ENPP6: variants seen among roughly 807,000 people sequenced by gnomAD.
ENPP6 encodes glycerophosphocholine cholinephosphodiesterase ENPP6.
In ENPP6, 32 loss-of-function variants were observed where a neutral mutation model predicts 42.0. The ratio of observed to expected loss-of-function variants is 0.76; its 90% CI spans 0.58 to 1.02. The LOEUF (loss-of-function observed/expected upper bound fraction) is 1.02. Among genes scored for constraint, ENPP6 ranks in the 50% least tolerant of loss-of-function variants. The probability of loss-of-function intolerance (pLI) is 0.00; values close to 1 mark genes in which losing one functional copy is unlikely to be tolerated. For synonymous variants in ENPP6, 213 were observed against 216.0 expected (o/e 0.99, Z 0.12); for missense variants, 552 against 566.8 (o/e 0.97, Z 0.27).
chr4:184,176,617 C>G (rs140669156), intron 1 of ENPP6, among the ~76,000 whole-genome samples: 5 of 152,064 alleles, frequency 3.3e-5, no homozygotes, highest in Non-Finnish European at 5.9e-5. Context: ...ACCAACTGAA[C>G]GGGGCCACCG....
chr4:184,144,169 C>T (rs1035622093), intron 2 of ENPP6, among the ~76,000 whole-genome samples: 3 of 152,190 alleles, frequency 2.0e-5, no homozygotes, highest in African/African-American at 7.2e-5. Context: ...TGCAGACTGC[C>T]CCACTCACCA....
At chr4:184,110,200 G>T (rs1485105250) in intron 6 of ENPP6, among the ~76,000 whole-genome samples, 1 of 152,098 alleles carries the variant, frequency 6.6e-6, no homozygotes, top group Non-Finnish European at 1.5e-5. Flanking sequence ...TTGTTTCGGG[G>T]CCCCAGTCTA....
At chr4:184,135,776 C>T (rs1378103479) in intron 2 of ENPP6, among the ~76,000 whole-genome samples, 1 of 152,134 alleles carries the variant, frequency 6.6e-6, no homozygotes, top group Non-Finnish European at 1.5e-5. Flanking sequence ...CAGAACATGG[C>T]CATCACGTGT....
chr4:184,198,326 G>A (rs1316920287), intron 1 of ENPP6, among the ~76,000 whole-genome samples: 3 of 152,252 alleles, frequency 2.0e-5, no homozygotes, highest in Admixed American at 1.3e-4. Flanking sequence ...ACACTCCACT[G>A]CCCCTGAGGG....
At chr4:184,194,865 T>A (rs1307780277) in intron 1 of ENPP6, among the ~76,000 whole-genome samples, 1 of 152,146 alleles carries the variant, frequency 6.6e-6, no homozygotes, top group African/African-American at 2.4e-5. Flanking sequence ...GGAACGAGTA[T>A]GGAGCAATGA....
intron 1 of ENPP6, among the ~76,000 whole-genome samples, chr4:184,163,646 T>C (rs914329540): frequency 3.3e-5 from 5 of 152,264 alleles, no homozygotes; most frequent in Non-Finnish European, 7.3e-5. Context: ...CTACAGCTGA[T>C]GAGGAATTCC....
rs1233244772 is a variant in ENPP6 at position 184,097,338 on chromosome 4, T to C, written c.1024A>G (p.Ser342Gly). ...TGCCAACCTTCCCGCCTGCCGGTGC[T>C]GTTCATCCAAAACGGAAGCATCTCT... is the stretch of plus-strand genomic sequence containing the variant. ...NREMLPFWMN[S>G]TGRREGWQRG... Residue 342 changes from serine (S) to glycine (G), a missense_variant, in exon 7 of 8, where the codon AGC (serine) becomes GGC (glycine). Ser to Gly is a moderately conservative substitution (Grantham distance 56). Coordinates refer to ENST00000296741, the MANE Select transcript of ENPP6 (RefSeq NM_153343.4). 6.2e-7 allele frequency: 1 copy of C among 1,614,204 alleles called. No individual in the cohort carries two copies. Among genetic ancestry groups the C allele is most frequent in the South Asian group, 1.1e-5 (1 of 91,086 alleles).
intron 1 of ENPP6, among the ~76,000 whole-genome samples, chr4:184,176,592 G>A (rs536968515): frequency 6.6e-6 from 1 of 152,272 alleles, no homozygotes; most frequent in East Asian, 1.9e-4. Context: ...CATTGCTAAG[G>A]ATCGAGTCCT....
chr4:184,143,583 C>T (rs1224134078), intron 2 of ENPP6, among the ~76,000 whole-genome samples: 3 of 152,204 alleles, frequency 2.0e-5, no homozygotes, highest in Non-Finnish European at 2.9e-5. Context: ...TGGCCTCTCC[C>T]GCTGTGCGTC....
intron 1 of ENPP6, among the ~76,000 whole-genome samples, chr4:184,159,907 G>T (rs762547128): frequency 6.6e-6 from 1 of 152,136 alleles, no homozygotes; most frequent in Non-Finnish European, 1.5e-5. Context: ...GCGATATTTG[G>T]TTTTCCATTC....
intron 2 of ENPP6, among the ~76,000 whole-genome samples, chr4:184,135,208 A>G (rs1317676523): frequency 6.6e-6 from 1 of 152,160 alleles, no homozygotes; most frequent in Non-Finnish European, 1.5e-5. Flanking sequence ...CAATCAGGTA[A>G]AAATGTTAAT....
chr4:184,180,591 C>T (rs1732535632), intron 1 of ENPP6, among the ~76,000 whole-genome samples: 1 of 152,164 alleles, frequency 6.6e-6, no homozygotes, highest in Non-Finnish European at 1.5e-5. Context: ...CCCTCATGAA[C>T]ATAGATGCAA....
chr4:184,091,031 G>T lies in ENPP6; in HGVS notation c.*146C>A. On this transcript the variant is annotated 3_prime_UTR_variant, in exon 8 of 8. Coordinates refer to ENST00000296741, the MANE Select transcript of ENPP6 (RefSeq NM_153343.4). ...TAACAAGTAGGAACTTTTATGTATA[G>T]AATTATCCAAGAATAATGTATTTAC... 1.4e-6 allele frequency: 1 copy of T among 735,194 alleles called. No homozygotes were observed. The highest frequency in any genetic ancestry group is 2.0e-6 in the Non-Finnish European group (1 of 505,666). 45.5% of individuals were successfully genotyped at this position (735,194 alleles called of 1,614,324 possible).
chr4:184,142,451 G>T (rs1407853133), intron 2 of ENPP6, among the ~76,000 whole-genome samples: 1 of 152,240 alleles, frequency 6.6e-6, no homozygotes. Context: ...TTGGGGGAAA[G>T]CATGGCCTTT....
chr4:184,208,813 G>T (rs1579668249), intron 1 of ENPP6, among the ~76,000 whole-genome samples: 2 of 142,978 alleles, frequency 1.4e-5, no homozygotes, highest in African/African-American at 5.1e-5. Context: ...AAAGACAGCA[G>T]TAACCTCTGC....
chr4:184,145,001 G>A (rs1736895130), intron 2 of ENPP6, among the ~76,000 whole-genome samples: 1 of 152,246 alleles, frequency 6.6e-6, no homozygotes, highest in Admixed American at 6.5e-5. Context: ...GGAAGGAAGG[G>A]CAGGCCCAGG....
intron 6 of ENPP6, among the ~76,000 whole-genome samples, chr4:184,111,767 A>G (rs1447566072): frequency 6.6e-6 from 1 of 152,144 alleles, no homozygotes; most frequent in African/African-American, 2.4e-5. Flanking sequence ...TACATGTCAC[A>G]CAACCCCCAT....
chr4:184,172,309 A>G (rs1383056001), intron 1 of ENPP6, among the ~76,000 whole-genome samples: 1 of 151,972 alleles, frequency 6.6e-6, no homozygotes, highest in Non-Finnish European at 1.5e-5. Flanking sequence ...TGAAGGGGAA[A>G]TCTTATTTCT....
chr4:184,199,664 G>T (rs1375292025), intron 1 of ENPP6, among the ~76,000 whole-genome samples: 1 of 152,208 alleles, frequency 6.6e-6, no homozygotes, highest in Non-Finnish European at 1.5e-5. Context: ...CAGGACTTCT[G>T]TCTGCTGCCG....
Sources: allele counts gnomAD v4.1 joint callset (sites outside exome capture counted in the v4.1 genomes callset), GRCh38; gene constraint gnomAD v4.1.1; transcripts MANE v1.5; gene names NCBI Gene and HGNC (gene_info 2026-07-23, HGNC 2026-07-21).